GRIK2: variants seen among roughly 807,000 people sequenced by gnomAD.
The protein encoded by GRIK2 is glutamate receptor ionotropic, kainate 2.
GRIK2 carries 32 observed loss-of-function variants against 100.3 expected under a neutral mutation model. The observed-to-expected ratio is 0.32, with a 90% CI of 0.24 to 0.43. The LOEUF is 0.43. Ranked by LOEUF, GRIK2 falls within the 20% of genes least tolerant of loss-of-function variation. The probability of loss-of-function intolerance (pLI) is 1.00; values close to 1 mark genes in which losing one functional copy is unlikely to be tolerated. For missense variants in GRIK2, 843 were observed against 1,114.9 expected (o/e 0.76, Z 3.47); for synonymous variants, 417 against 389.4 (o/e 1.07, Z -0.83).
At chr6:101,434,380 G>A (rs1291165386) in intron 2 of GRIK2, among the ~76,000 whole-genome samples, 2 of 152,168 alleles carry the variant, frequency 1.3e-5, no homozygotes, top group Non-Finnish European at 2.9e-5. Flanking sequence ...TTCAGAGCTA[G>A]AAGGGATCTT....
intron 2 of GRIK2, among the ~76,000 whole-genome samples, chr6:101,620,466 T>C (rs536983545): frequency 6.6e-6 from 1 of 152,292 alleles, no homozygotes; most frequent in African/African-American, 2.4e-5. Context: ...TGTTCCTGAA[T>C]GTAAATTTGC....
chr6:101,909,472 GTAGA>G (rs906222001), intron 12 of GRIK2, among the ~76,000 whole-genome samples: 32 of 141,978 alleles, frequency 2.3e-4, no homozygotes, highest in African/African-American at 8.3e-4. Flanking sequence ...GTTTAGTGAA[GTAGA>G]TAGTCAAGCT....
intron 7 of GRIK2, among the ~76,000 whole-genome samples, chr6:101,781,081 T>G (rs1779057189): frequency 6.6e-6 from 1 of 152,256 alleles, no homozygotes; most frequent in African/African-American, 2.4e-5. Flanking sequence ...AATTTGTATT[T>G]GTTTATTTTG....
chr6:101,545,025 G>A (rs1232919940), intron 2 of GRIK2, among the ~76,000 whole-genome samples: 1 of 152,108 alleles, frequency 6.6e-6, no homozygotes, highest in African/African-American at 2.4e-5. Flanking sequence ...TAAGTAGTAT[G>A]TTCAAAGCTG....
At chr6:102,044,393 G>A (rs543077216) in intron 15 of GRIK2, among the ~76,000 whole-genome samples, 27 of 152,098 alleles carry the variant, frequency 1.8e-4, no homozygotes, top group African/African-American at 5.5e-4. Flanking sequence ...TCATGCTGCT[G>A]ATAAAGACAT....
intron 2 of GRIK2, among the ~76,000 whole-genome samples, chr6:101,435,428 G>A (rs1168293848): frequency 6.7e-6 from 1 of 148,824 alleles, no homozygotes; most frequent in Non-Finnish European, 1.5e-5. Flanking sequence ...GTTGAAAACA[G>A]ACTTTTAAAA....
intron 13 of GRIK2, among the ~76,000 whole-genome samples, chr6:101,926,189 C>G (rs1301654922): frequency 6.9e-6 from 1 of 145,898 alleles, no homozygotes. Context: ...CATTTTGGGT[C>G]CAAGGGTTTT....
rs534978694 is a variant in GRIK2, at chr6:101,655,849, C to T, written c.542-20774C>T. On this transcript the variant is annotated intron_variant, in intron 4 of 16. Transcript: ENST00000369134. ...GAGTTCCCTACAGAATTACAAGGAC[C>T]ACTGCTTAATATCAGTTATGAGAGA... Among the ~76,000 whole-genome samples the T allele has an allele frequency of 4.6e-5, 7 of 152,188 alleles. No individual in the cohort carries two copies. In the South Asian group the frequency reaches 1.2e-3, roughly 27 times the overall value.
At chr6:101,475,136 C>T (rs993594819) in intron 2 of GRIK2, among the ~76,000 whole-genome samples, 1 of 151,828 alleles carries the variant, frequency 6.6e-6, no homozygotes, top group Non-Finnish European at 1.5e-5. Flanking sequence ...TTCCCTGACT[C>T]TCTCTGATGA....
At chr6:101,723,316 G>A (rs990021959) in intron 7 of GRIK2, among the ~76,000 whole-genome samples, 1 of 151,976 alleles carries the variant, frequency 6.6e-6, no homozygotes, top group Admixed American at 6.6e-5. Context: ...AAAAGACAGT[G>A]TTTATCCATT....
intron 14 of GRIK2, among the ~76,000 whole-genome samples, chr6:102,010,513 A>G (rs1382995638): frequency 1.3e-5 from 2 of 151,928 alleles, no homozygotes; most frequent in African/African-American, 4.8e-5. Context: ...CCTCCCCAGT[A>G]GCTGGGACTA....
chr6:101,780,785 G>C (rs1779033928), intron 7 of GRIK2, among the ~76,000 whole-genome samples: 1 of 152,282 alleles, frequency 6.6e-6, no homozygotes, highest in African/African-American at 2.4e-5. Flanking sequence ...CTCTAAATTT[G>C]GGTGTAAGAG....
intron 4 of GRIK2, among the ~76,000 whole-genome samples, chr6:101,670,188 A>G (rs1053539189): frequency 1.3e-5 from 2 of 152,162 alleles, no homozygotes; most frequent in African/African-American, 2.4e-5. Flanking sequence ...TGAAGACTGA[A>G]TAAGTAATAT....
intron 2 of GRIK2, among the ~76,000 whole-genome samples, chr6:101,480,948 T>A (rs1772496616): frequency 6.6e-6 from 1 of 151,712 alleles, no homozygotes; most frequent in Admixed American, 6.6e-5. Flanking sequence ...AAATGGGGAG[T>A]CATGAATAGA....
At chr6:101,761,594 A>G (rs1777671991) in intron 7 of GRIK2, among the ~76,000 whole-genome samples, 1 of 152,158 alleles carries the variant, frequency 6.6e-6, no homozygotes, top group African/African-American at 2.4e-5. Flanking sequence ...TCCACACTGA[A>G]GCAACAAATC....
Position 101,488,990 on chromosome 6 carries a change from G to A in GRIK2, c.115+89598G>A, listed in dbSNP as rs187524308. ...TAATATTTAGAAAAATTCAATTCTG[G>A]TTAAAATAGATTTAGCTAAAGTAAT... On this transcript the variant is annotated intron_variant, in intron 2 of 16. Coordinates refer to ENST00000369134, the MANE Select transcript of GRIK2 (RefSeq NM_021956.5). Among the ~76,000 whole-genome samples, 14 of 146,372 alleles carry A rather than the reference G, an allele frequency of 9.6e-5. 1 individual carries two copies. Among genetic ancestry groups the A allele is most frequent in the Admixed American group, 9.5e-4 (14 of 14,672 alleles).
chr6:101,450,403 A>C (rs959336047), intron 2 of GRIK2, among the ~76,000 whole-genome samples: 1 of 151,686 alleles, frequency 6.6e-6, no homozygotes, highest in Non-Finnish European at 1.5e-5. Context: ...TAAGTTATTG[A>C]ATCTTTGGAG....
At chr6:101,774,442 C>A (rs1456960077) in intron 7 of GRIK2, among the ~76,000 whole-genome samples, 1 of 152,092 alleles carries the variant, frequency 6.6e-6, no homozygotes, top group Non-Finnish European at 1.5e-5. Context: ...TAGTAAAAAG[C>A]GGACAAGATT....
intron 2 of GRIK2, among the ~76,000 whole-genome samples, chr6:101,420,050 A>G (rs1174177136): frequency 6.6e-6 from 1 of 152,222 alleles, no homozygotes; most frequent in Non-Finnish European, 1.5e-5. Context: ...TGAAATTAAT[A>G]ATGATGATGG....
Sources: gnomAD v4.1 joint callset for allele counts (sites outside exome capture counted in the v4.1 genomes callset) on GRCh38, gnomAD v4.1.1 for gene constraint, MANE v1.5 for transcripts, NCBI Gene and HGNC (gene_info 2026-07-23, HGNC 2026-07-21) for gene names.